NDC1: variants seen among roughly 807,000 people sequenced by gnomAD.
NDC1 encodes the protein NDC1 transmembrane nucleoporin.
Under a neutral mutation model 89.8 loss-of-function variants are expected in NDC1, and 24 were observed. The observed-to-expected ratio is 0.27, with a 90% confidence interval of 0.19 to 0.38. The LOEUF (loss-of-function observed/expected upper bound fraction) is 0.38. Among genes scored for constraint, NDC1 ranks in the 10% least tolerant of loss-of-function variants. The probability of loss-of-function intolerance (pLI) is 1.00; values close to 1 mark genes in which losing one functional copy is unlikely to be tolerated. For missense variants in NDC1, 728 were observed against 797.6 expected (o/e 0.91, Z 1.05); for synonymous variants, 296 against 284.8 (o/e 1.04, Z -0.39).
chr1:53,816,767 A>C (rs542911361), intron 6 of NDC1, among the ~76,000 whole-genome samples: 1 of 152,320 alleles, frequency 6.6e-6, no homozygotes, highest in African/African-American at 2.4e-5. Flanking sequence ...CAAATCAGTA[A>C]GAAAAAAAAC....
intron 11 of NDC1, among the ~76,000 whole-genome samples, chr1:53,797,777 T>C (rs182838535): frequency 7.9e-5 from 12 of 152,178 alleles, no homozygotes; most frequent in Admixed American, 3.9e-4. Flanking sequence ...CACAGGCACA[T>C]ACTACCATGC....
At chr1:53,785,066 C>A (rs2100634986) in intron 16 of NDC1, among the ~76,000 whole-genome samples, 1 of 152,232 alleles carries the variant, frequency 6.6e-6, no homozygotes, top group East Asian at 1.9e-4. Flanking sequence ...GCTCTGCCAC[C>A]TAGGAGATTG....
intron 2 of NDC1, among the ~76,000 whole-genome samples, chr1:53,834,923 C>A (rs181481288): frequency 6.6e-6 from 1 of 151,836 alleles, no homozygotes; most frequent in Non-Finnish European, 1.5e-5. Context: ...GCCTGGGTAA[C>A]GTGGCAAAAC....
At chr1:53,797,378 C>G (rs1647754311) in intron 11 of NDC1, among the ~76,000 whole-genome samples, 1 of 151,638 alleles carries the variant, frequency 6.6e-6, no homozygotes, top group South Asian at 2.1e-4. Flanking sequence ...TCTCTTTTTC[C>G]CCCCCCATGA....
At chr1:53,801,099 A>C (rs1461984849) in intron 10 of NDC1, among the ~76,000 whole-genome samples, 1 of 152,002 alleles carries the variant, frequency 6.6e-6, no homozygotes, top group East Asian at 1.9e-4. Context: ...CAAAAAAAAA[A>C]AAAAACAAAA....
At chr1:53,818,117 T>C (rs1648540276) in intron 6 of NDC1, among the ~76,000 whole-genome samples, 1 of 152,140 alleles carries the variant, frequency 6.6e-6, no homozygotes, top group Non-Finnish European at 1.5e-5. Context: ...TTGTTTTTAA[T>C]TGTGGTAAAA....
intron 6 of NDC1, among the ~76,000 whole-genome samples, chr1:53,812,288 CAGG>C (rs1441786663): frequency 2.0e-5 from 3 of 152,168 alleles, no homozygotes; most frequent in African/African-American, 7.2e-5. Context: ...AAAAAGAATT[CAGG>C]AGGTTAGTTA....
chr1:53,786,018 GGGTTCAAGC>G (rs1479280271), intron 16 of NDC1, among the ~76,000 whole-genome samples: 1 of 152,108 alleles, frequency 6.6e-6, no homozygotes, highest in African/African-American at 2.4e-5. Flanking sequence ...TCTGCCTCCT[GGGTTCAAGC>G]GATTCTCCTG....
intron 14 of NDC1, among the ~76,000 whole-genome samples, chr1:53,789,412 C>T (rs1169069220): frequency 1.3e-5 from 2 of 152,240 alleles, no homozygotes; most frequent in African/African-American, 4.8e-5. Flanking sequence ...CTTGCCAAGT[C>T]TCTAAATCTC....
chr1:53,797,580 T>TA (rs1485660431), intron 11 of NDC1, among the ~76,000 whole-genome samples: 2 of 152,066 alleles, frequency 1.3e-5, no homozygotes, highest in Non-Finnish European at 2.9e-5. Context: ...AGGAAAAAAA[T>TA]ATTAACCTTA....
intron 6 of NDC1, among the ~76,000 whole-genome samples, chr1:53,817,194 A>G (rs1195403633): frequency 2.0e-5 from 3 of 152,212 alleles, no homozygotes; most frequent in Non-Finnish European, 4.4e-5. Context: ...GCACACACAT[A>G]TGTATAGCAG....
At chr1:53,787,683 A>AAATAAATT (rs1647348561) in intron 15 of NDC1, among the ~76,000 whole-genome samples, 1 of 150,748 alleles carries the variant, frequency 6.6e-6, no homozygotes, top group African/African-American at 2.4e-5. Context: ...ATAAATAAAT[A>AAATAAATT]AATAAATAAA....
chr1:53,836,040 T>G (rs1001715145), intron 1 of NDC1, among the ~76,000 whole-genome samples: 1 of 152,230 alleles, frequency 6.6e-6, no homozygotes, highest in Non-Finnish European at 1.5e-5. Flanking sequence ...TAGCATTCTA[T>G]TCATGTTTGA....
At chr1:53,792,884 C>T (rs1647567244) in intron 14 of NDC1, among the ~76,000 whole-genome samples, 1 of 152,244 alleles carries the variant, frequency 6.6e-6, no homozygotes, top group Admixed American at 6.5e-5. Context: ...CACAAAGACG[C>T]TAGCAGGACG....
intron 16 of NDC1, among the ~76,000 whole-genome samples, chr1:53,777,642 T>C (rs1647173059): frequency 6.6e-6 from 1 of 152,188 alleles, no homozygotes. Flanking sequence ...TTTAAAATCA[T>C]TGACTTTTCT....
intron 1 of NDC1, among the ~76,000 whole-genome samples, chr1:53,836,447 C>A (rs1447083950): frequency 8.0e-6 from 1 of 125,260 alleles, no homozygotes; most frequent in Admixed American, 8.0e-5. Context: ...AAGACTCTGT[C>A]TAACAAAAAA....
At chr1:53,807,526 T>C in intron 8 of NDC1, 130 bp downstream of exon 8, 1 of 613,524 alleles carries the variant, frequency 1.6e-6, no homozygotes, top group Non-Finnish European at 2.7e-6. Flanking sequence ...GCCCCAAGAG[T>C]CTCAGAAGAG....
rs570379298 is a variant in NDC1, at chr1:53,766,369, T to C, written c.*1601A>G. 2 of 152,308 alleles carry C rather than the reference T, an allele frequency of 1.3e-5. No individual in the cohort carries two copies. Among genetic ancestry groups the C allele is most frequent in the South Asian group, 2.1e-4 (1 of 4,826 alleles). The allele number at this position is 152,308 out of a possible 1,614,324, so 9.4% of individuals were successfully genotyped here. A position where few individuals can be genotyped will look rare whatever the true frequency, so the allele number is the denominator to read the frequency against. The stretch of plus-strand genomic sequence containing the variant: ...AATATAAAAAGCTTAATTGTGTTAA[T>C]ACATGGAAGACAACAGTTCTCAGTC... On this transcript the variant is annotated 3_prime_UTR_variant, in exon 18 of 18. Coordinates refer to ENST00000371429, the MANE Select transcript of NDC1 (RefSeq NM_018087.5).
chr1:53,774,414 G>C (rs1012221882), intron 16 of NDC1, among the ~76,000 whole-genome samples: 2 of 152,098 alleles, frequency 1.3e-5, no homozygotes, highest in African/African-American at 4.8e-5. Context: ...CCATCATAAT[G>C]GAAAAGTTAT....
Sources: allele counts gnomAD v4.1 joint callset (sites outside exome capture counted in the v4.1 genomes callset), GRCh38; gene constraint gnomAD v4.1.1; transcripts MANE v1.5; gene names NCBI Gene and HGNC (gene_info 2026-07-23, HGNC 2026-07-21).